The following SLC39A11 variants were observed in gnomAD, a reference collection of about 807,000 sequenced individuals.
SLC39A11 encodes the protein solute carrier family 39 member 11.
In SLC39A11, 33 loss-of-function variants were observed where a neutral mutation model predicts 36.1. The ratio of observed to expected loss-of-function variants is 0.91; its 90% CI spans 0.69 to 1.22. SLC39A11 has a LOEUF of 1.22. Ranked by LOEUF, SLC39A11 falls within the 50% of genes most tolerant of loss-of-function variation. The probability of loss-of-function intolerance (pLI) is 0.00; values close to 1 mark genes in which losing one functional copy is unlikely to be tolerated. For synonymous variants in SLC39A11, 166 were observed against 170.3 expected (o/e 0.97, Z 0.20); for missense variants, 432 against 430.3 (o/e 1.00, Z -0.03).
intron 5 of SLC39A11, among the ~76,000 whole-genome samples, chr17:72,894,499 T>TAA (rs35812666): frequency 9.0e-6 from 1 of 110,526 alleles, no homozygotes. Flanking sequence ...TCATCCCTAC[T>TAA]AAAAAAAAAA....
chr17:72,922,176 G>A (rs2083704429), intron 5 of SLC39A11, among the ~76,000 whole-genome samples: 1 of 152,212 alleles, frequency 6.6e-6, no homozygotes, highest in Admixed American at 6.5e-5. Context: ...CAGGTAATGA[G>A]AGTTGGGTAT....
At chr17:72,739,355 G>A (rs570221215) in intron 6 of SLC39A11, among the ~76,000 whole-genome samples, 1 of 152,076 alleles carries the variant, frequency 6.6e-6, no homozygotes, top group Non-Finnish European at 1.5e-5. Context: ...TTGAACTCCT[G>A]ACCTCAAGTG....
At chr17:72,837,203 C>T (rs577619540) in intron 6 of SLC39A11, among the ~76,000 whole-genome samples, 2 of 152,262 alleles carry the variant, frequency 1.3e-5, no homozygotes, top group South Asian at 2.1e-4. Flanking sequence ...AGCATTCCAA[C>T]AGATCCTCCA....
At chr17:72,945,095 G>A (rs1048685415) in intron 5 of SLC39A11, among the ~76,000 whole-genome samples, 1 of 152,154 alleles carries the variant, frequency 6.6e-6, no homozygotes, top group Non-Finnish European at 1.5e-5. Flanking sequence ...AAGAAAGAGA[G>A]ACTGATAGAT....
At chr17:72,665,398 T>TGTTTG (rs1555631661) in intron 7 of SLC39A11, among the ~76,000 whole-genome samples, 2 of 130,174 alleles carry the variant, frequency 1.5e-5, no homozygotes, top group Admixed American at 1.6e-4. Flanking sequence ...TGTTTTTTTT[T>TGTTTG]TTTTTTTTTT....
At chr17:72,802,177 G>A (rs1187236510) in intron 6 of SLC39A11, among the ~76,000 whole-genome samples, 1 of 152,210 alleles carries the variant, frequency 6.6e-6, no homozygotes, top group African/African-American at 2.4e-5. Flanking sequence ...TGTGCACCCA[G>A]ACACGTTTCT....
At chr17:72,649,644 C>CTTT (rs5821920) in intron 7 of SLC39A11, among the ~76,000 whole-genome samples, 9 of 138,192 alleles carry the variant, frequency 6.5e-5, no homozygotes, top group African/African-American at 1.4e-4. Context: ...TTTTCTTTTT[C>CTTT]TTTTTTTTTT....
At chr17:72,933,549 T>G (rs997725156) in intron 5 of SLC39A11, among the ~76,000 whole-genome samples, 1 of 152,208 alleles carries the variant, frequency 6.6e-6, no homozygotes, top group African/African-American at 2.4e-5. Flanking sequence ...AGATGGAGTC[T>G]TGCTTTGTCG....
chr17:73,086,745 A>G (rs1250750851), intron 2 of SLC39A11, among the ~76,000 whole-genome samples: 3 of 152,172 alleles, frequency 2.0e-5, no homozygotes, highest in African/African-American at 7.2e-5. Context: ...ACTTGAACCC[A>G]GGAGGTGGAG....
chr17:73,022,552 G>A (rs1280834825), intron 4 of SLC39A11, among the ~76,000 whole-genome samples: 3 of 123,194 alleles, frequency 2.4e-5, no homozygotes, highest in Non-Finnish European at 4.8e-5. Flanking sequence ...CCAAGATCCC[G>A]CCATTGCACT....
chr17:72,900,475 G>C (rs1402102510), intron 5 of SLC39A11, among the ~76,000 whole-genome samples: 1 of 151,984 alleles, frequency 6.6e-6, no homozygotes, highest in East Asian at 1.9e-4. Flanking sequence ...GAATGAAGGG[G>C]GCGGGCTGGG....
chr17:72,901,256 G>A (rs969875863), intron 5 of SLC39A11, among the ~76,000 whole-genome samples: 1 of 152,234 alleles, frequency 6.6e-6, no homozygotes, highest in Admixed American at 6.5e-5. Context: ...TCTACTCCAG[G>A]AAAAGGGCTT....
intron 5 of SLC39A11, among the ~76,000 whole-genome samples, chr17:72,913,811 A>G (rs1393053916): frequency 6.6e-6 from 1 of 152,134 alleles, no homozygotes; most frequent in Non-Finnish European, 1.5e-5. Flanking sequence ...GTCTGCATGC[A>G]ACAGAATAAT....
chr17:73,018,846 GAA>G (rs11300100), intron 4 of SLC39A11, among the ~76,000 whole-genome samples: 1 of 145,248 alleles, frequency 6.9e-6, no homozygotes, highest in African/African-American at 2.5e-5. Context: ...ATCACTGGGA[GAA>G]AAAAAAAAAT....
intron 4 of SLC39A11, among the ~76,000 whole-genome samples, chr17:73,009,226 A>T (rs1405397171): frequency 6.6e-6 from 1 of 151,714 alleles, no homozygotes; most frequent in East Asian, 1.9e-4. Flanking sequence ...AAAATTAGCC[A>T]GGTGTGGTGG....
At chr17:72,884,714 A>C (rs2081367494) in intron 5 of SLC39A11, among the ~76,000 whole-genome samples, 1 of 152,252 alleles carries the variant, frequency 6.6e-6, no homozygotes, top group African/African-American at 2.4e-5. Flanking sequence ...AAACTGAAAA[A>C]TATAAAATAG....
intron 7 of SLC39A11, among the ~76,000 whole-genome samples, chr17:72,653,826 A>G (rs748328479): frequency 3.9e-5 from 6 of 152,126 alleles, no homozygotes; most frequent in Non-Finnish European, 7.4e-5. Context: ...AGCTGGGGAC[A>G]GTTTTACACT....
At chr17:72,900,030 G>GAA (rs1401377730) in intron 5 of SLC39A11, among the ~76,000 whole-genome samples, 5 of 102,318 alleles carry the variant, frequency 4.9e-5, no homozygotes, top group African/African-American at 1.7e-4. Flanking sequence ...AAGAGAGAGA[G>GAA]AGAGAAAGAG....
chr17:72,936,732 T>C (rs908498575), intron 5 of SLC39A11, among the ~76,000 whole-genome samples: 1 of 151,566 alleles, frequency 6.6e-6, no homozygotes, highest in African/African-American at 2.4e-5. Context: ...AGATAATTTT[T>C]CTACACATAG....
Sources: gnomAD v4.1 joint callset for allele counts (sites outside exome capture counted in the v4.1 genomes callset) on GRCh38, gnomAD v4.1.1 for gene constraint, MANE v1.5 for transcripts, NCBI Gene and HGNC (gene_info 2026-07-23, HGNC 2026-07-21) for gene names.